GOLGA4: variants seen among roughly 807,000 people sequenced by gnomAD.
The protein encoded by GOLGA4 is golgin A4.
GOLGA4 carries 169 observed loss-of-function variants against 265.9 expected under a neutral mutation model. That is an observed-to-expected ratio of 0.64 (90% CI 0.56 to 0.72). The LOEUF is 0.72. Ranked by LOEUF, GOLGA4 falls within the 30% of genes least tolerant of loss-of-function variation. The probability of loss-of-function intolerance (pLI) is 0.00; values close to 1 mark genes in which losing one functional copy is unlikely to be tolerated. For synonymous variants in GOLGA4, 923 were observed against 855.8 expected (o/e 1.08, Z -1.37); for missense variants, 2,482 against 2,483.4 (o/e 1.00, Z 0.01).
rs1696723405 is a variant in GOLGA4, at chr3:37,365,996, A to G, written c.*34-84A>G. 5.8e-6 allele frequency: 7 copies of G among 1,200,110 alleles called. No homozygotes were observed. The South Asian group carries it at 1.0e-4, about 17-fold the overall frequency. The allele number at this position is 1,200,110 out of a possible 1,614,324, so 74.3% of individuals were successfully genotyped here. A position where few individuals can be genotyped will look rare whatever the true frequency, so the allele number is the denominator to read the frequency against. ...ATAGAATTTTATTTCAAACTTGAAA[A>G]AACAAATATCCCAAAAAGTCAACCT... On this transcript the variant is annotated intron_variant, in intron 23 of 23. Coordinates refer to ENST00000361924, the MANE Select transcript of GOLGA4 (RefSeq NM_002078.5).
chr3:37,274,945 G>A (rs2096810241), intron 2 of GOLGA4, among the ~76,000 whole-genome samples: 1 of 151,920 alleles, frequency 6.6e-6, no homozygotes, highest in Non-Finnish European at 1.5e-5. Flanking sequence ...CGGGTGCGGT[G>A]GCTCATGCCT....
At chr3:37,294,382 A>ATT (rs55842993) in intron 5 of GOLGA4, among the ~76,000 whole-genome samples, 2 of 132,042 alleles carry the variant, frequency 1.5e-5, no homozygotes, top group Non-Finnish European at 1.6e-5. Flanking sequence ...ATCTTAAGTA[A>ATT]TTTTTTTTTT....
At chr3:37,332,947 C>T (rs548844457) in intron 16 of GOLGA4, among the ~76,000 whole-genome samples, 7 of 152,138 alleles carry the variant, frequency 4.6e-5, no homozygotes, top group Admixed American at 1.3e-4. Context: ...TATACACATG[C>T]GTGTAGGAGT....
chr3:37,288,433 T>C (rs933325824), intron 4 of GOLGA4, among the ~76,000 whole-genome samples: 9 of 145,068 alleles, frequency 6.2e-5, no homozygotes, highest in Non-Finnish European at 1.2e-4. Context: ...TTTTAGTGTA[T>C]GGTTACTAAT....
chr3:37,265,834 C>T (rs998871804), intron 2 of GOLGA4, among the ~76,000 whole-genome samples: 2 of 151,922 alleles, frequency 1.3e-5, no homozygotes, highest in Admixed American at 6.6e-5. Flanking sequence ...CTCAGGAGTT[C>T]GAGACCAGCC....
intron 16 of GOLGA4, among the ~76,000 whole-genome samples, chr3:37,332,915 G>C (rs2096995745): frequency 6.6e-6 from 1 of 151,446 alleles, no homozygotes. Flanking sequence ...ATATATATTT[G>C]TTACTTATGT....
intron 4 of GOLGA4, 59 bp from the exon 5 acceptor site, chr3:37,289,176 T>C: frequency 2.3e-6 from 2 of 870,892 alleles, no homozygotes; most frequent in Non-Finnish European, 3.7e-6. Context: ...ACTTGCTTTG[T>C]ATTTACTATG....
chr3:37,243,525 A>G lies in GOLGA4; in HGVS notation c.-26A>G. Reference sequence around the variant, plus strand: ...CTCTCGCCCTTCAGGTTTCGTTGACACTCAGGACCGTACGTACGCTGCGCC... The same window carrying G: ...CTCTCGCCCTTCAGGTTTCGTTGACGCTCAGGACCGTACGTACGCTGCGCC... On this transcript the variant is annotated 5_prime_UTR_variant, in exon 1 of 24. Transcript: ENST00000361924. The G allele has an allele frequency of 6.2e-7, 1 of 1,610,962 alleles. No individual in the cohort carries two copies.
chr3:37,347,709 T>C (rs2097060567), intron 21 of GOLGA4, among the ~76,000 whole-genome samples: 1 of 152,210 alleles, frequency 6.6e-6, no homozygotes, highest in Non-Finnish European at 1.5e-5. Context: ...AGAAACATTA[T>C]GCTTTATAGT....
chr3:37,284,887 G>T (rs187200744), intron 3 of GOLGA4, among the ~76,000 whole-genome samples: 1 of 150,582 alleles, frequency 6.6e-6, no homozygotes, highest in South Asian at 2.1e-4. Context: ...CTGGTCTCCA[G>T]CTCCTGGGCT....
In GOLGA4 at chr3:37,302,276, AGAT is replaced by A. The variant is rs758915916; in HGVS notation, c.1181_1183del (p.Met394del). The A allele has an allele frequency of 6.2e-7, 1 of 1,613,596 alleles. No individual in the cohort carries two copies. The highest frequency in any genetic ancestry group is 8.5e-7 in the Non-Finnish European group (1 of 1,179,502). The stretch of plus-strand genomic sequence containing the variant: ...GCTCAACTCCGTAGTCGCATCAAAC[AGAT>A]GACTACCCAGGGAGAGGAATTACGG... On this transcript the variant is annotated inframe_deletion, in exon 10 of 24. Coordinates refer to ENST00000361924, the MANE Select transcript of GOLGA4 (RefSeq NM_002078.5).
intron 20 of GOLGA4, among the ~76,000 whole-genome samples, chr3:37,341,096 G>A (rs1273868208): frequency 6.6e-6 from 1 of 152,126 alleles, no homozygotes; most frequent in Non-Finnish European, 1.5e-5. Flanking sequence ...GAACCCAGGA[G>A]GTGGAGGTTG....
At chr3:37,256,369 C>T (rs2096748691) in intron 2 of GOLGA4, among the ~76,000 whole-genome samples, 1 of 151,950 alleles carries the variant, frequency 6.6e-6, no homozygotes, top group African/African-American at 2.4e-5. Flanking sequence ...ATTCAGGAGG[C>T]TAAGGCAGGA....
chr3:37,362,237 ATTATTTT>A (rs1696350540), intron 23 of GOLGA4, among the ~76,000 whole-genome samples: 1 of 54,388 alleles, frequency 1.8e-5, no homozygotes, highest in African/African-American at 4.9e-5. Flanking sequence ...TTATTTATTT[ATTATTTT>A]TTTTTTTTTT....
chr3:37,305,892 A>G (rs2096904676), intron 10 of GOLGA4, among the ~76,000 whole-genome samples: 1 of 152,192 alleles, frequency 6.6e-6, no homozygotes, highest in Non-Finnish European at 1.5e-5. Context: ...CAGCTCAAGA[A>G]CGTTCCCCAC....
At chr3:37,258,006 CATACAT>C (rs1282768228) in intron 2 of GOLGA4, among the ~76,000 whole-genome samples, 1 of 58,966 alleles carries the variant, frequency 1.7e-5, no homozygotes, top group African/African-American at 9.6e-5. Context: ...TGTATATATA[CATACAT>C]ATATATATGT....
intron 1 of GOLGA4, among the ~76,000 whole-genome samples, chr3:37,251,024 G>A (rs532932210): frequency 1.3e-5 from 2 of 151,838 alleles, no homozygotes; most frequent in South Asian, 4.2e-4. Flanking sequence ...AATAATTTTG[G>A]TTTATAGAAA....
At chr3:37,306,380 TTGG>T (rs2096906099) in intron 10 of GOLGA4, among the ~76,000 whole-genome samples, 1 of 152,182 alleles carries the variant, frequency 6.6e-6, no homozygotes, top group African/African-American at 2.4e-5. Flanking sequence ...TTGGAAAAGT[TTGG>T]TGGTTCAGCT....
At chr3:37,275,144 A>C (rs1053764801) in intron 2 of GOLGA4, among the ~76,000 whole-genome samples, 18 of 128,370 alleles carry the variant, frequency 1.4e-4, no homozygotes, top group Non-Finnish European at 2.5e-4. Context: ...TGAACCCGGG[A>C]GGCGGAGGTT....
Sources: gnomAD v4.1 joint callset for allele counts (sites outside exome capture counted in the v4.1 genomes callset) on GRCh38, gnomAD v4.1.1 for gene constraint, MANE v1.5 for transcripts, NCBI Gene and HGNC (gene_info 2026-07-23, HGNC 2026-07-21) for gene names.